The following LARGE1 variants were observed in gnomAD, a reference collection of about 807,000 sequenced individuals.
LARGE1 encodes the protein LARGE xylosyl- and glucuronyltransferase 1.
LARGE1 carries 43 observed loss-of-function variants against 87.6 expected under a neutral mutation model. The observed-to-expected ratio is 0.49, with a 90% CI of 0.38 to 0.63. LARGE1 has a LOEUF of 0.63. Ranked by LOEUF, LARGE1 falls within the 30% of genes least tolerant of loss-of-function variation. The pLI is 0.00. For missense variants in LARGE1, 802 were observed against 1,000.2 expected, an observed-to-expected ratio of 0.80 and a Z score of 2.67; for synonymous variants, 434 against 394.6, an observed-to-expected ratio of 1.10 and a Z score of -1.18.
Position 33,604,504 on chromosome 22 carries a change from C to T in LARGE1, c.546G>A (p.Leu182=), listed in dbSNP as rs755661957. 2 of 1,614,052 alleles carry T rather than the reference C, an allele frequency of 1.2e-6. No homozygotes were observed. The highest frequency in any genetic ancestry group is 3.3e-5 in the Admixed American group (2 of 60,018). ...LIADSIAEQI[L]ATLFQTWMVP... The stretch of plus-strand genomic sequence containing the variant: ...CCATCCAGGTCTGGAAGAGCGTGGC[C>T]AGGATCTGCTCCGCAATGGAGTCAG... The change falls in exon 5 of 15, where the codon CTG becomes CTA. Residue 182 remains leucine (L), a synonymous_variant. Transcript: ENST00000397394.
At chr22:33,280,127 T>G (rs1398971824) in intron 13 of LARGE1, among the ~76,000 whole-genome samples, 2 of 152,086 alleles carry the variant, frequency 1.3e-5, no homozygotes, top group Non-Finnish European at 2.9e-5. Flanking sequence ...AAGCAATGGT[T>G]CTGGAGGCTG....
At chr22:33,748,024 CAAAAAAAAA>C (rs535230421) in intron 2 of LARGE1, among the ~76,000 whole-genome samples, 14 of 21,736 alleles carry the variant, frequency 6.4e-4, no homozygotes, top group South Asian at 2.7e-3. Flanking sequence ...TCTGCTGGAG[CAAAAAAAAA>C]AAAAAAAAAA....
At chr22:33,364,928 T>A (rs961995494) in intron 9 of LARGE1, among the ~76,000 whole-genome samples, 4 of 152,178 alleles carry the variant, frequency 2.6e-5, no homozygotes, top group Admixed American at 1.3e-4. Context: ...ACTCCTGGGC[T>A]CAAGCAATCC....
chr22:33,286,448 A>G (rs1303470756), intron 12 of LARGE1, among the ~76,000 whole-genome samples: 1 of 152,180 alleles, frequency 6.6e-6, no homozygotes, highest in Non-Finnish European at 1.5e-5. Context: ...AAGGTGTCCC[A>G]GTATTGGTGG....
At chr22:33,477,372 T>C in intron 6 of LARGE1, among the ~76,000 whole-genome samples, 1 of 152,252 alleles carries the variant, frequency 6.6e-6, no homozygotes, top group Non-Finnish European at 1.5e-5. Flanking sequence ...TTGATAATTA[T>C]GCCGTCTAAA....
chr22:33,587,592 T>G (rs1013309498), intron 5 of LARGE1, among the ~76,000 whole-genome samples: 20 of 152,210 alleles, frequency 1.3e-4, no homozygotes, highest in African/African-American at 4.8e-4. Flanking sequence ...CAACAGCTCC[T>G]TATGTATTAC....
At chr22:33,185,813 A>G (rs774896306) in intron 11 of LARGE1, among the ~76,000 whole-genome samples, 45 of 152,312 alleles carry the variant, frequency 3.0e-4, no homozygotes, top group Admixed American at 3.9e-4. Context: ...ATAAGAAAAT[A>G]AGACAGAAAA....
At chr22:33,559,275 G>A (rs762780612) in intron 6 of LARGE1, among the ~76,000 whole-genome samples, 4 of 152,136 alleles carry the variant, frequency 2.6e-5, no homozygotes, top group East Asian at 3.9e-4. Context: ...TCTGCCTCCC[G>A]GTTTCAAGTG....
intron 11 of LARGE1, among the ~76,000 whole-genome samples, chr22:33,311,410 A>G (rs1935575814): frequency 6.6e-6 from 1 of 152,346 alleles, no homozygotes; most frequent in African/African-American, 2.4e-5. Context: ...AATAACTAGA[A>G]ACATGTTTGT....
intron 6 of LARGE1, among the ~76,000 whole-genome samples, chr22:33,485,193 A>G (rs2069516298): frequency 6.9e-6 from 1 of 144,278 alleles, no homozygotes; most frequent in African/African-American, 2.6e-5. Flanking sequence ...GACTACAGGC[A>G]TGAGCCACCG....
chr22:33,355,631 T>TTTACAATGGTG (rs1569088091), intron 9 of LARGE1, among the ~76,000 whole-genome samples: 1 of 122,226 alleles, frequency 8.2e-6, no homozygotes, highest in Admixed American at 7.8e-5. Context: ...TTCCAGAATC[T>TTTACAATGGTG]CAAAAGTAGA....
At chr22:33,083,077 T>C in the LARGE1 span, among the ~76,000 whole-genome samples, 1 of 152,162 alleles carries the variant, frequency 6.6e-6, no homozygotes, top group Non-Finnish European at 1.5e-5. Context: ...GTAGACACTC[T>C]AAATATATCA....
intron 11 of LARGE1, among the ~76,000 whole-genome samples, chr22:33,214,169 C>T (rs1018756301): frequency 6.6e-6 from 1 of 152,168 alleles, no homozygotes; most frequent in Non-Finnish European, 1.5e-5. Flanking sequence ...ATTTATTTCT[C>T]ACAGTTCTGG....
intron 12 of LARGE1, among the ~76,000 whole-genome samples, chr22:33,297,668 G>T (rs1469145458): frequency 6.6e-6 from 1 of 150,376 alleles, no homozygotes; most frequent in Non-Finnish European, 1.5e-5. Context: ...AGTGAGGACA[G>T]TAGAGATACT....
chr22:33,176,284 A>G (rs1922865309), intron 11 of LARGE1, among the ~76,000 whole-genome samples: 1 of 152,252 alleles, frequency 6.6e-6, no homozygotes, highest in East Asian at 1.9e-4. Flanking sequence ...CAATGGCAAC[A>G]AAAGTCAAAA....
chr22:33,543,634 A>C (rs911874969), intron 6 of LARGE1, among the ~76,000 whole-genome samples: 4 of 152,246 alleles, frequency 2.6e-5, no homozygotes, highest in African/African-American at 9.6e-5. Context: ...TAAGGTCGCA[A>C]GTGACAGAGA....
intron 1 of LARGE1, among the ~76,000 whole-genome samples, chr22:33,854,830 T>C (rs889050441): frequency 6.6e-6 from 1 of 152,164 alleles, no homozygotes; most frequent in Non-Finnish European, 1.5e-5. Context: ...CATATGTAAA[T>C]ATATAATGAT....
chr22:33,620,015 G>C (rs964485635), intron 4 of LARGE1, among the ~76,000 whole-genome samples: 2 of 152,118 alleles, frequency 1.3e-5, no homozygotes, highest in South Asian at 2.1e-4. Flanking sequence ...CCAGAACCCA[G>C]GCCTGCTTCT....
At chr22:33,096,564 TTG>T in the LARGE1 span, among the ~76,000 whole-genome samples, 44 of 56,806 alleles carry the variant, frequency 7.7e-4, no homozygotes, top group African/African-American at 2.4e-3. Flanking sequence ...GTTTTTGTTT[TTG>T]TTTTTTTTTT....
Sources: gnomAD v4.1 joint callset for allele counts (sites outside exome capture counted in the v4.1 genomes callset) on GRCh38, gnomAD v4.1.1 for gene constraint, MANE v1.5 for transcripts, NCBI Gene and HGNC (gene_info 2026-07-23, HGNC 2026-07-21) for gene names.